Variants in NBEA observed in about 807,000 individuals in gnomAD.
NBEA encodes lysosomal-trafficking regulator 2.
Under a neutral mutation model 343.4 loss-of-function variants are expected in NBEA, and 44 were observed. The observed-to-expected ratio is 0.13, with a 90% CI of 0.10 to 0.16. The LOEUF is 0.16. Among genes scored for constraint, NBEA ranks in the 10% least tolerant of loss-of-function variants. The pLI is 1.00. For missense variants in NBEA, 2,555 were observed against 3,631.3 expected (o/e 0.70, Z 7.62); for synonymous variants, 1,175 against 1,238.7 (o/e 0.95, Z 1.08).
At chr13:35,193,419 T>G (rs1036263115) in intron 30 of NBEA, among the ~76,000 whole-genome samples, 3 of 151,926 alleles carry the variant, frequency 2.0e-5, no homozygotes, top group African/African-American at 4.8e-5. Context: ...TGATTCAAAA[T>G]TTAGTTAATT....
intron 36 of NBEA, among the ~76,000 whole-genome samples, chr13:35,344,225 T>C (rs2039747933): frequency 6.6e-6 from 1 of 152,166 alleles, no homozygotes; most frequent in South Asian, 2.1e-4. Context: ...ATAATAGATA[T>C]ACTAAATACA....
At chr13:35,314,471 T>G (rs2037584379) in intron 36 of NBEA, among the ~76,000 whole-genome samples, 1 of 152,166 alleles carries the variant, frequency 6.6e-6, no homozygotes. Flanking sequence ...TAATCTGGAT[T>G]AGGTACCTTT....
intron 34 of NBEA, among the ~76,000 whole-genome samples, chr13:35,282,328 T>C (rs2035110872): frequency 6.6e-6 from 1 of 152,204 alleles, no homozygotes; most frequent in African/African-American, 2.4e-5. Context: ...ATTATTAATA[T>C]TTCTTGAAAT....
Position 35,281,582 on chromosome 13 carries a change from T to C in NBEA, c.5777-8807T>C, listed in dbSNP as rs374827031. ...ACAATGATTATCAAATAGTTTCCTT[T>C]TACCAATTATGTTTTTTCTCTTTGA... On this transcript the variant is annotated intron_variant, in intron 34 of 58. Transcript: ENST00000379939. 5.9e-5 allele frequency among the ~76,000 whole-genome samples: 9 copies of C among 152,290 alleles called. No individual in the cohort carries two copies. In the East Asian group the frequency reaches 7.7e-4, roughly 13 times the overall value.
intron 38 of NBEA, among the ~76,000 whole-genome samples, chr13:35,428,019 A>C (rs145176159): frequency 0.014 from 2,096 of 152,200 alleles, 60 homozygotes; most frequent in African/African-American, 0.048. Context: ...CTGATTTTCC[A>C]GGTGCCATCT....
intron 38 of NBEA, among the ~76,000 whole-genome samples, chr13:35,360,358 C>T (rs531069629): frequency 6.6e-6 from 1 of 152,034 alleles, no homozygotes; most frequent in South Asian, 2.1e-4. Flanking sequence ...CTTGTCTGAA[C>T]CTAAAAGGTT....
chr13:35,115,280 A>T (rs1263753687), intron 13 of NBEA, among the ~76,000 whole-genome samples: 2 of 152,112 alleles, frequency 1.3e-5, no homozygotes, highest in African/African-American at 4.8e-5. Flanking sequence ...TGAATACATC[A>T]TGAACACAAA....
intron 4 of NBEA, among the ~76,000 whole-genome samples, chr13:35,047,806 T>C (rs1442549665): frequency 9.3e-4 from 1 of 1,078 alleles, no homozygotes; most frequent in African/African-American, 2.2e-3. Flanking sequence ...ACATGAAAGA[T>C]CTATTTGAGG....
intron 45 of NBEA, among the ~76,000 whole-genome samples, chr13:35,580,427 C>T (rs2080967580): frequency 6.6e-6 from 1 of 152,110 alleles, no homozygotes; most frequent in Non-Finnish European, 1.5e-5. Context: ...AGAATTCTTA[C>T]CATATTCATC....
chr13:35,535,476 T>C (rs558202198), intron 41 of NBEA, among the ~76,000 whole-genome samples: 77 of 152,212 alleles, frequency 5.1e-4, no homozygotes, highest in African/African-American at 1.8e-3. Flanking sequence ...TAAAGTACAC[T>C]GAAAAGGATC....
At chr13:35,312,829 C>T (rs536196143) in intron 36 of NBEA, among the ~76,000 whole-genome samples, 83 of 152,242 alleles carry the variant, frequency 5.5e-4, no homozygotes, top group African/African-American at 2.0e-3. Flanking sequence ...GTATAATTCA[C>T]TTGGCTAGGA....
intron 35 of NBEA, among the ~76,000 whole-genome samples, chr13:35,296,374 C>T (rs1299998837): frequency 1.4e-5 from 2 of 144,746 alleles, no homozygotes; most frequent in African/African-American, 2.6e-5. Context: ...GAGCGAGACT[C>T]AGTCTCAAAA....
chr13:35,117,473 C>A lies in NBEA; in HGVS notation c.2062C>A (p.Leu688Met). Reference protein sequence around the residue: ...ISLRAFMLLFLKQLILKDRGV... With the variant: ...ISLRAFMLLFMKQLILKDRGV... Reference sequence around the variant, plus strand: ...ACTGAGGGCATTTATGCTACTTTTTCTGAAACAGCTGATACTAAAGGTAAA... The same window carrying A: ...ACTGAGGGCATTTATGCTACTTTTTATGAAACAGCTGATACTAAAGGTAAA... Residue 688 changes from leucine (L) to methionine (M), a missense_variant, in exon 14 of 59, where the codon CTG becomes ATG. Transcript: ENST00000379939. 2 of 1,360,298 alleles carry A rather than the reference C, an allele frequency of 1.5e-6. No individual in the cohort carries two copies. The highest frequency in any genetic ancestry group is 1.9e-6 in the Non-Finnish European group (2 of 1,038,090). The allele number at this position is 1,360,298 out of a possible 1,614,324, so 84.3% of individuals were successfully genotyped here.
chr13:35,555,606 A>G (rs1169746340), intron 44 of NBEA, among the ~76,000 whole-genome samples: 1 of 152,110 alleles, frequency 6.6e-6, no homozygotes, highest in African/African-American at 2.4e-5. Flanking sequence ...TTGCAGTACC[A>G]TGCTTGCAAA....
intron 41 of NBEA, among the ~76,000 whole-genome samples, chr13:35,529,948 A>T (rs1433852564): frequency 6.6e-6 from 1 of 152,230 alleles, no homozygotes; most frequent in East Asian, 1.9e-4. Flanking sequence ...GTTTTTGAAG[A>T]TAAGGAATTC....
intron 36 of NBEA, among the ~76,000 whole-genome samples, chr13:35,319,043 A>G (rs1045820396): frequency 6.6e-6 from 1 of 151,922 alleles, no homozygotes; most frequent in Non-Finnish European, 1.5e-5. Context: ...TAATCTTTTC[A>G]AAAACCAGCT....
chr13:34,949,036 T>A (rs922619004), intron 1 of NBEA, among the ~76,000 whole-genome samples: 2 of 152,122 alleles, frequency 1.3e-5, no homozygotes, highest in Non-Finnish European at 2.9e-5. Context: ...AGCCAAGAGT[T>A]TAAATGAGAA....
intron 38 of NBEA, among the ~76,000 whole-genome samples, chr13:35,377,806 C>G (rs1301197299): frequency 1.3e-5 from 2 of 152,122 alleles, no homozygotes; most frequent in African/African-American, 2.4e-5. Context: ...CTTTGTGACC[C>G]CTGTTATCCC....
intron 41 of NBEA, among the ~76,000 whole-genome samples, chr13:35,539,946 C>A (rs1264678485): frequency 1.2e-5 from 1 of 85,594 alleles, no homozygotes; most frequent in African/African-American, 4.2e-5. Flanking sequence ...AAAAAAAGTG[C>A]ACTAGTATTT....
Sources: gnomAD v4.1 joint callset for allele counts (sites outside exome capture counted in the v4.1 genomes callset) on GRCh38, gnomAD v4.1.1 for gene constraint, MANE v1.5 for transcripts, NCBI Gene and HGNC (gene_info 2026-07-23, HGNC 2026-07-21) for gene names.